Variants in TRRAP observed in about 807,000 individuals in gnomAD.
The protein encoded by TRRAP is transformation/transcription domain associated protein.
TRRAP carries 41 observed loss-of-function variants against 438.8 expected under a neutral mutation model. That is an observed-to-expected ratio of 0.09 (90% confidence interval 0.07 to 0.12). The LOEUF (loss-of-function observed/expected upper bound fraction) is 0.12, where lower values mean the gene tolerates loss of function less well. Ranked by LOEUF, TRRAP falls within the 10% of genes least tolerant of loss-of-function variation. TRRAP has a pLI of 1.00. For missense variants in TRRAP, 3,122 were observed against 5,055.1 expected, an observed-to-expected ratio of 0.62 and a Z score of 11.60; for synonymous variants, 1,994 against 1,962.9, an observed-to-expected ratio of 1.02 and a Z score of -0.42.
intron 22 of TRRAP, among the ~76,000 whole-genome samples, chr7:98,925,744 C>G (rs1790021576): frequency 6.6e-6 from 1 of 152,236 alleles, no homozygotes; most frequent in Admixed American, 6.5e-5. Flanking sequence ...TACCATTTTT[C>G]TGCATTGTAA....
chr7:98,953,178 C>T lies in TRRAP; in HGVS notation c.5475C>T (p.Pro1825=), dbSNP rs56380736. 4.2e-5 allele frequency: 67 copies of T among 1,612,602 alleles called. No homozygotes were observed. The highest frequency in any genetic ancestry group is 2.0e-4 in the Admixed American group (12 of 59,966). The change falls in exon 40 of 73, where the codon CCC becomes CCT. Residue 1825 remains proline (P), a synonymous_variant. Transcript: ENST00000456197. Reference sequence around the variant, plus strand: ...CTGTCCCTGCACAGGTCCTGGACCCCGAGAAGCAGGCGGACATGCTGGACT... The same window carrying T: ...CTGTCCCTGCACAGGTCCTGGACCCTGAGAAGCAGGCGGACATGCTGGACT... The part of the protein sequence containing the change: ...TSVFITKVLD[P]EKQADMLDSL...
rs528424337 is a variant in TRRAP, at chr7:98,962,242, A to G, written c.6704-60A>G. The G allele has an allele frequency of 2.5e-6, 4 of 1,610,854 alleles. No individual in the cohort carries two copies. In the African/African-American group the frequency reaches 4.0e-5, roughly 16 times the overall value. On this transcript the variant is annotated intron_variant, in intron 46 of 72. Transcript: ENST00000456197. ...AAGCAGCCAGCACTCAGTCCCTGGCATCAGCACTGGTGGGCCCAAGAGCCA... is the reference window on the plus strand; with the variant it reads ...AAGCAGCCAGCACTCAGTCCCTGGCGTCAGCACTGGTGGGCCCAAGAGCCA...
At chr7:98,906,746 T>A (rs116953416) in intron 13 of TRRAP, among the ~76,000 whole-genome samples, 2 of 152,030 alleles carry the variant, frequency 1.3e-5, no homozygotes, top group Non-Finnish European at 1.5e-5. Flanking sequence ...AATTGCAGGA[T>A]TTTTGGAAAG....
At chr7:98,943,487 T>C (rs1790895755) in intron 31 of TRRAP, among the ~76,000 whole-genome samples, 1 of 152,168 alleles carries the variant, frequency 6.6e-6, no homozygotes, top group Admixed American at 6.5e-5. Flanking sequence ...GAGGGGAATG[T>C]AAAAAGGAAT....
At chr7:98,891,536 CTTTT>C (rs561135092) in intron 4 of TRRAP, among the ~76,000 whole-genome samples, 3 of 116,934 alleles carry the variant, frequency 2.6e-5, no homozygotes, top group Admixed American at 9.0e-5. Context: ...GCATGTAGCT[CTTTT>C]TTTTTTTTTT....
In TRRAP at chr7:98,948,188, G is replaced by A. The variant is rs369683655; in HGVS notation, c.4549-33G>A. 17 of 1,612,404 alleles carry A rather than the reference G, an allele frequency of 1.1e-5. No individual in the cohort carries two copies. Among genetic ancestry groups the A allele is most frequent in the South Asian group, 2.2e-5 (2 of 90,992 alleles). ...ACCTCTGTCACTTGCAAAATTAATC[G>A]ACCTGTTTATAATTTCTGGTTTTCT... On this transcript the variant is annotated intron_variant, in intron 33 of 72. Transcript: ENST00000456197. The surrounding 1 kb of genome is among the most constrained non-coding windows in gnomAD (Gnocchi z 4.9).
chr7:98,915,934 A>G, intron 19 of TRRAP, 46 bp downstream of exon 19: 2 of 1,608,544 alleles, frequency 1.2e-6, no homozygotes, highest in Non-Finnish European at 1.7e-6. Context: ...TGTGTCATGT[A>G]GTCATGTGTC....
chr7:98,917,949 C>G (rs1338302618), intron 20 of TRRAP, among the ~76,000 whole-genome samples: 1 of 151,702 alleles, frequency 6.6e-6, no homozygotes, highest in Non-Finnish European at 1.5e-5. Flanking sequence ...TGGTGAAAAC[C>G]CATCTCTACA....
At chr7:98,953,842 A>G (rs1791461461) in intron 40 of TRRAP, among the ~76,000 whole-genome samples, 1 of 152,112 alleles carries the variant, frequency 6.6e-6, no homozygotes, top group Admixed American at 6.5e-5. Context: ...ATTTGTGGGG[A>G]AAACACCCCA....
chr7:98,908,013 A>T lies in TRRAP; in HGVS notation c.1116-715A>T, dbSNP rs1584295305. 6.6e-6 allele frequency among the ~76,000 whole-genome samples: 1 copy of T among 152,100 alleles called. No individual in the cohort carries two copies. The highest frequency in any genetic ancestry group is 1.5e-5 in the Non-Finnish European group (1 of 68,024). On this transcript the variant is annotated intron_variant, in intron 13 of 72. Transcript: ENST00000456197. This position sits in a 1 kb window ranked among gnomAD's most constrained non-coding sequence, Gnocchi z 4.1. ...GGCCTTTATCTTTCCTGTTTCTTCCATCTGGAAATTTCCCTGGATTTTTGC... is the reference window on the plus strand; with the variant it reads ...GGCCTTTATCTTTCCTGTTTCTTCCTTCTGGAAATTTCCCTGGATTTTTGC...
chr7:98,998,077 C>A (rs1793751109), intron 67 of TRRAP, among the ~76,000 whole-genome samples: 1 of 152,164 alleles, frequency 6.6e-6, no homozygotes, highest in South Asian at 2.1e-4. Context: ...ACATGAAGTA[C>A]ATCAGGCTCT....
chr7:98,977,231 G>C (rs920502006), intron 56 of TRRAP, among the ~76,000 whole-genome samples, 155 bp downstream of exon 56: 7 of 152,072 alleles, frequency 4.6e-5, no homozygotes, highest in Non-Finnish European at 1.5e-5. Context: ...GCACAATCTC[G>C]GCTCACTGCA....
At chr7:98,880,038 T>G (rs1046908594) in intron 1 of TRRAP, among the ~76,000 whole-genome samples, 8 of 152,304 alleles carry the variant, frequency 5.3e-5, no homozygotes, top group African/African-American at 1.7e-4. Flanking sequence ...TCTCCATCTG[T>G]GTGTCAGCTG....
At chr7:98,945,856 CCTTTTCTTTT>C (rs781936104) in intron 32 of TRRAP, 56 bp downstream of exon 32, 67 of 1,571,342 alleles carry the variant, frequency 4.3e-5, no homozygotes, top group Middle Eastern at 1.7e-4. Context: ...GAAAAGTTTA[CCTTTTCTTTT>C]CTTTTCTTTT....
At chr7:98,934,965 T>TA (rs1204917278) in intron 27 of TRRAP, among the ~76,000 whole-genome samples, 1 of 152,174 alleles carries the variant, frequency 6.6e-6, no homozygotes, top group Non-Finnish European at 1.5e-5. Context: ...TATTAGCCTA[T>TA]ACTAGTTTTC....
At chr7:98,975,641 G>A (rs533591241) in intron 53 of TRRAP, among the ~76,000 whole-genome samples, 25 of 152,310 alleles carry the variant, frequency 1.6e-4, no homozygotes, top group South Asian at 1.0e-3. Context: ...GTTTCAGTCC[G>A]TCTCGGTCAT....
At chr7:98,892,778 G>T (rs1796032525) in intron 5 of TRRAP, among the ~76,000 whole-genome samples, 1 of 152,190 alleles carries the variant, frequency 6.6e-6, no homozygotes, top group East Asian at 1.9e-4. Flanking sequence ...AACAGTTGCG[G>T]ATGGTGAGCC....
At chr7:98,886,376 A>C (rs1419005132) in intron 3 of TRRAP, among the ~76,000 whole-genome samples, 1 of 152,030 alleles carries the variant, frequency 6.6e-6, no homozygotes, top group African/African-American at 2.4e-5. Context: ...ATAGATATAG[A>C]TATCTAGAGA....
In TRRAP at chr7:99,008,411, C is replaced by T; in HGVS notation, c.10788C>T (p.Arg3596=). The T allele has an allele frequency of 2.5e-6, 4 of 1,614,248 alleles. No individual in the cohort carries two copies. Among genetic ancestry groups the T allele is most frequent in the Non-Finnish European group, 3.4e-6 (4 of 1,180,036 alleles). The change falls in exon 70 of 73, where the codon CGC becomes CGT. Residue 3596 remains arginine, a synonymous_variant. Transcript: ENST00000456197. ...TTGTGGCAGTTTCCCCACAGATGCG[C>T]CTCGTGGAGGACAACCCCTCTTCAC... The part of the protein sequence containing the change: ...PRVVAVSPQM[R]LVEDNPSSLS...
Sources: allele counts gnomAD v4.1 joint callset (sites outside exome capture counted in the v4.1 genomes callset), GRCh38; gene constraint gnomAD v4.1.1; non-coding constraint Gnocchi (gnomAD v3.1); transcripts MANE v1.5; gene names NCBI Gene and HGNC (gene_info 2026-07-23, HGNC 2026-07-21).